The following CEP112 variants were observed in gnomAD, a reference collection of about 807,000 sequenced individuals.
The protein encoded by CEP112 is centrosomal protein 112.
A neutral mutation model predicts 153.0 loss-of-function variants in CEP112; 127 were observed. The ratio of observed to expected loss-of-function variants is 0.83; its 90% confidence interval spans 0.72 to 0.96. The LOEUF (loss-of-function observed/expected upper bound fraction) is 0.96, where lower values mean the gene tolerates loss of function less well. CEP112 is among the 40% of genes least tolerant of loss of function. CEP112 has a pLI of 0.00. For missense variants in CEP112, 1,089 were observed against 1,101.2 expected, an observed-to-expected ratio of 0.99 and a Z score of 0.16; for synonymous variants, 358 against 374.4, an observed-to-expected ratio of 0.96 and a Z score of 0.51.
intron 21 of CEP112, among the ~76,000 whole-genome samples, chr17:65,806,599 C>T (rs545520933): frequency 6.6e-6 from 1 of 152,106 alleles, no homozygotes; most frequent in Non-Finnish European, 1.5e-5. Flanking sequence ...GGGTGGAATT[C>T]CCCTTGCTGT....
intron 21 of CEP112, among the ~76,000 whole-genome samples, chr17:65,820,951 T>C (rs2056499904): frequency 6.6e-6 from 1 of 152,184 alleles, no homozygotes; most frequent in Non-Finnish European, 1.5e-5. Context: ...TCCTAGGATG[T>C]CTACTGATCT....
chr17:65,945,872 C>G (rs982268184), intron 18 of CEP112, among the ~76,000 whole-genome samples: 12 of 152,118 alleles, frequency 7.9e-5, no homozygotes, highest in Non-Finnish European at 1.6e-4. Flanking sequence ...GTCTCAAACT[C>G]CTGACCTCAG....
intron 21 of CEP112, among the ~76,000 whole-genome samples, chr17:65,820,973 G>A (rs762651961): frequency 6.6e-6 from 1 of 152,050 alleles, no homozygotes; most frequent in Non-Finnish European, 1.5e-5. Context: ...TTAAAGTCAT[G>A]CAATGGGAAC....
chr17:65,773,691 A>G (rs1254765782), intron 21 of CEP112, among the ~76,000 whole-genome samples: 2 of 152,196 alleles, frequency 1.3e-5, no homozygotes, highest in Non-Finnish European at 2.9e-5. Flanking sequence ...GTTTTTGCAC[A>G]TTACCTGGAT....
At chr17:65,783,153 A>G (rs2054092691) in intron 21 of CEP112, among the ~76,000 whole-genome samples, 1 of 152,188 alleles carries the variant, frequency 6.6e-6, no homozygotes, top group African/African-American at 2.4e-5. Context: ...AACAAGATAC[A>G]CAGAAGGCTA....
At chr17:65,686,113 CTTTTT>C (rs35816434) in intron 24 of CEP112, among the ~76,000 whole-genome samples, 1,757 of 104,332 alleles carry the variant, frequency 0.017, 44 homozygotes, top group African/African-American at 0.058. Flanking sequence ...AAACAACTGG[CTTTTT>C]TTTTTTTTTT....
chr17:65,920,754 C>T (rs569448579), intron 19 of CEP112, among the ~76,000 whole-genome samples: 1 of 151,936 alleles, frequency 6.6e-6, no homozygotes, highest in Non-Finnish European at 1.5e-5. Context: ...CTTATGTGAC[C>T]TGAAATGTAA....
chr17:66,121,464 T>G (rs1199493429), intron 6 of CEP112, among the ~76,000 whole-genome samples: 1 of 152,162 alleles, frequency 6.6e-6, no homozygotes, highest in Non-Finnish European at 1.5e-5. Flanking sequence ...TCTCCTCTTG[T>G]TCTGGTACCC....
At chr17:65,971,527 C>T (rs1235829390) in intron 17 of CEP112, among the ~76,000 whole-genome samples, 1 of 149,428 alleles carries the variant, frequency 6.7e-6, no homozygotes, top group Admixed American at 6.7e-5. Flanking sequence ...ACATGTGTAT[C>T]ACCTAAATGT....
intron 21 of CEP112, among the ~76,000 whole-genome samples, chr17:65,764,910 A>AT (rs1159595352): frequency 7.3e-6 from 1 of 136,934 alleles, no homozygotes; most frequent in Non-Finnish European, 1.5e-5. Context: ...TTTTTTCTTT[A>AT]TTTTTTTGTG....
chr17:66,108,204 A>G (rs2068866485), intron 6 of CEP112, among the ~76,000 whole-genome samples: 1 of 152,178 alleles, frequency 6.6e-6, no homozygotes, highest in African/African-American at 2.4e-5. Context: ...TACTAAAAGA[A>G]AACACTGGGG....
intron 24 of CEP112, among the ~76,000 whole-genome samples, chr17:65,653,917 G>A (rs1265274195): frequency 6.6e-6 from 1 of 151,746 alleles, no homozygotes; most frequent in Non-Finnish European, 1.5e-5. Context: ...AAATTAGCCG[G>A]GCGTGGTGGT....
chr17:65,780,617 T>G (rs1312082340), intron 21 of CEP112, among the ~76,000 whole-genome samples: 1 of 152,158 alleles, frequency 6.6e-6, no homozygotes, highest in Non-Finnish European at 1.5e-5. Flanking sequence ...TAATGTGTGA[T>G]TTGACAAATG....
chr17:66,129,867 TG>T, intron 5 of CEP112, 44 bp from the exon 6 acceptor site: 2 of 1,175,690 alleles, frequency 1.7e-6, no homozygotes, highest in East Asian at 5.1e-5. Context: ...GAAGGAAAGA[TG>T]GAAGAAATAA....
chr17:66,163,648 C>T (rs558926273), intron 4 of CEP112, among the ~76,000 whole-genome samples: 9 of 151,960 alleles, frequency 5.9e-5, no homozygotes, highest in African/African-American at 1.9e-4. Flanking sequence ...TTTAAGACTT[C>T]GTATTTCCAA....
chr17:66,172,521 A>G (rs985614603), intron 4 of CEP112, among the ~76,000 whole-genome samples: 2 of 152,214 alleles, frequency 1.3e-5, no homozygotes, highest in African/African-American at 4.8e-5. Flanking sequence ...ATAGGTGACC[A>G]ACAAAGAGAA....
At chr17:65,981,958 C>T (rs1313442190) in intron 17 of CEP112, among the ~76,000 whole-genome samples, 1 of 152,076 alleles carries the variant, frequency 6.6e-6, no homozygotes. Flanking sequence ...GATGGCAATA[C>T]TGACATAGTA....
chr17:65,863,752 A>AAC (rs1276175019), intron 20 of CEP112, among the ~76,000 whole-genome samples: 1 of 150,612 alleles, frequency 6.6e-6, no homozygotes. Flanking sequence ...TCTGTCTCAA[A>AAC]AAAAAAAAGA....
chr17:65,724,260 C>T (rs533923297), intron 23 of CEP112, among the ~76,000 whole-genome samples: 5 of 152,294 alleles, frequency 3.3e-5, no homozygotes, highest in African/African-American at 9.6e-5. Flanking sequence ...GACAGCATCA[C>T]ATTAATTTTT....
Sources: gnomAD v4.1 joint callset for allele counts (sites outside exome capture counted in the v4.1 genomes callset) on GRCh38, gnomAD v4.1.1 for gene constraint, MANE v1.5 for transcripts, NCBI Gene and HGNC (gene_info 2026-07-23, HGNC 2026-07-21) for gene names.